The following CLIC5 variants were observed in gnomAD, a reference collection of about 807,000 sequenced individuals.
The protein encoded by CLIC5 is chloride intracellular channel protein 5.
A neutral mutation model predicts 24.7 loss-of-function variants in CLIC5; 20 were observed. The ratio of observed to expected loss-of-function variants is 0.81; its 90% CI spans 0.57 to 1.18. The LOEUF is 1.18. Among genes scored for constraint, CLIC5 ranks in the 50% most tolerant of loss-of-function variants. The pLI is 0.00. For missense variants in CLIC5, 341 were observed against 326.1 expected (o/e 1.05, Z -0.35); for synonymous variants, 159 against 135.6 (o/e 1.17, Z -1.20).
At chr6:46,093,711 C>T in the CLIC5 span, among the ~76,000 whole-genome samples, 5 of 152,134 alleles carry the variant, frequency 3.3e-5, no homozygotes, top group African/African-American at 4.8e-5. Context: ...GGGAAAAGAT[C>T]TAGCAGATTT....
chr6:45,892,266 G>A (rs931387006), intron 6 of CLIC5: 5 of 151,030 alleles, frequency 3.3e-5, no homozygotes, highest in Admixed American at 3.3e-4. Context: ...GTACAGGAAT[G>A]TTATAAGAAT....
At chr6:46,059,237 G>A (rs551169905) in intron 1 of CLIC5, among the ~76,000 whole-genome samples, 2 of 152,338 alleles carry the variant, frequency 1.3e-5, no homozygotes, top group South Asian at 4.1e-4. Context: ...TCCTTCTGGA[G>A]AGATAATCAC....
the CLIC5 span, among the ~76,000 whole-genome samples, chr6:46,095,940 T>C: frequency 1.3e-5 from 2 of 152,218 alleles, no homozygotes; most frequent in Non-Finnish European, 2.9e-5. Context: ...TCTGTTCTTG[T>C]ACTGCTATAA....
chr6:45,993,519 A>G (rs905315673), intron 1 of CLIC5, among the ~76,000 whole-genome samples: 1 of 152,222 alleles, frequency 6.6e-6, no homozygotes, highest in Non-Finnish European at 1.5e-5. Flanking sequence ...AACATAAACC[A>G]GATAAATATC....
intron 1 of CLIC5, among the ~76,000 whole-genome samples, chr6:46,067,229 T>C (rs1296506232): frequency 6.6e-6 from 1 of 152,054 alleles, no homozygotes; most frequent in Non-Finnish European, 1.5e-5. Context: ...ACAAGCTCAG[T>C]GCCCCCACAG....
chr6:46,095,448 GT>G, the CLIC5 span, among the ~76,000 whole-genome samples: 1 of 152,108 alleles, frequency 6.6e-6, no homozygotes, highest in African/African-American at 2.4e-5. Flanking sequence ...ATGAACATAA[GT>G]TGTTAGAAGC....
chr6:45,913,000 G>C (rs1762876913), intron 5 of CLIC5, among the ~76,000 whole-genome samples: 1 of 152,248 alleles, frequency 6.6e-6, no homozygotes, highest in Non-Finnish European at 1.5e-5. Flanking sequence ...TGGTTGGAGA[G>C]GAGATAGCAT....
intron 1 of CLIC5, among the ~76,000 whole-genome samples, chr6:46,060,075 A>T (rs754550540): frequency 6.6e-6 from 1 of 152,230 alleles, no homozygotes; most frequent in Non-Finnish European, 1.5e-5. Context: ...TAAAAAAATT[A>T]AAAAACAAGA....
intron 1 of CLIC5, among the ~76,000 whole-genome samples, chr6:46,011,612 C>T (rs959718980): frequency 3.9e-5 from 6 of 152,136 alleles, no homozygotes; most frequent in Non-Finnish European, 7.3e-5. Context: ...ACACTTGCGG[C>T]GAGCTTGTCT....
At chr6:45,991,671 TG>T (rs1765947114) in intron 1 of CLIC5, among the ~76,000 whole-genome samples, 1 of 152,142 alleles carries the variant, frequency 6.6e-6, no homozygotes, top group Admixed American at 6.5e-5. Flanking sequence ...TGGAGGAAGA[TG>T]GGGTTTCCTC....
intron 5 of CLIC5, chr6:45,912,704 C>A: frequency 1.3e-6 from 2 of 1,535,434 alleles, no homozygotes; most frequent in Non-Finnish European, 1.7e-6. Flanking sequence ...TGTGACTGAG[C>A]TGGAATTATA....
At chr6:45,918,164 A>G (rs1027365065) in intron 4 of CLIC5, among the ~76,000 whole-genome samples, 2 of 152,342 alleles carry the variant, frequency 1.3e-5, no homozygotes, top group East Asian at 3.9e-4. Flanking sequence ...ATTCTGAGCC[A>G]TATGCAAACA....
downstream of CLIC5, among the ~76,000 whole-genome samples, chr6:45,897,557 C>G (rs532243669): frequency 2.0e-5 from 3 of 152,268 alleles, no homozygotes; most frequent in South Asian, 6.2e-4. Flanking sequence ...GAGACCCTAG[C>G]TGCCCCTCCC....
At chr6:45,905,397 C>G (rs1762629800) in intron 5 of CLIC5, among the ~76,000 whole-genome samples, 1 of 151,544 alleles carries the variant, frequency 6.6e-6, no homozygotes. Flanking sequence ...TTGACTTTTT[C>G]ACAATAGCCA....
chr6:45,907,842 G>T (rs918775015), intron 5 of CLIC5, among the ~76,000 whole-genome samples: 1 of 152,098 alleles, frequency 6.6e-6, no homozygotes, highest in Non-Finnish European at 1.5e-5. Context: ...TCAAGAAATA[G>T]AATCATAATC....
chr6:45,909,824 C>A (rs1762767178), intron 5 of CLIC5, among the ~76,000 whole-genome samples: 1 of 152,208 alleles, frequency 6.6e-6, no homozygotes, highest in Non-Finnish European at 1.5e-5. Context: ...TATCCACCTT[C>A]TACCTTGCTT....
chr6:45,928,046 G>A (rs1287439534), intron 4 of CLIC5, among the ~76,000 whole-genome samples: 3 of 152,084 alleles, frequency 2.0e-5, no homozygotes, highest in Non-Finnish European at 4.4e-5. Flanking sequence ...AGGCTACTCC[G>A]GCTCAGCCTG....
intron 4 of CLIC5, among the ~76,000 whole-genome samples, chr6:45,922,332 G>A (rs911253242): frequency 6.6e-6 from 1 of 152,096 alleles, no homozygotes; most frequent in African/African-American, 2.4e-5. Context: ...GGGAGAATGG[G>A]GTGTTTTCTG....
intron 1 of CLIC5, among the ~76,000 whole-genome samples, chr6:46,068,015 G>A (rs941702275): frequency 6.6e-6 from 1 of 152,146 alleles, no homozygotes; most frequent in Non-Finnish European, 1.5e-5. Flanking sequence ...CCTGAGTTAA[G>A]GTGGCCCTAT....
Sources: gnomAD v4.1 joint callset for allele counts (sites outside exome capture counted in the v4.1 genomes callset) on GRCh38, gnomAD v4.1.1 for gene constraint, MANE v1.5 for transcripts, NCBI Gene and HGNC (gene_info 2026-07-23, HGNC 2026-07-21) for gene names.